The following UBE2E3 variants were observed in gnomAD, a reference collection of about 807,000 sequenced individuals.
UBE2E3 encodes the protein ubiquitin conjugating enzyme E2 E3.
In UBE2E3, 5 loss-of-function variants were observed where a neutral mutation model predicts 23.6. That is an observed-to-expected ratio of 0.21 (90% CI 0.11 to 0.44). The LOEUF (loss-of-function observed/expected upper bound fraction) is 0.44, where lower values mean the gene tolerates loss of function less well. UBE2E3 is among the 20% of genes least tolerant of loss of function. UBE2E3 has a pLI of 0.99. For missense variants in UBE2E3, 81 were observed against 249.8 expected (o/e 0.32, Z 4.55); for synonymous variants, 78 against 87.5 (o/e 0.89, Z 0.60).
intron 3 of UBE2E3, among the ~76,000 whole-genome samples, chr2:181,013,797 A>G (rs1432129904): frequency 6.6e-6 from 1 of 152,176 alleles, no homozygotes; most frequent in Non-Finnish European, 1.5e-5. Flanking sequence ...AGGTAATCAG[A>G]AAGTTCCACC....
intron 3 of UBE2E3, among the ~76,000 whole-genome samples, chr2:181,010,203 TATTA>T (rs2105606364): frequency 6.6e-6 from 1 of 152,238 alleles, no homozygotes; most frequent in Admixed American, 6.5e-5. Flanking sequence ...TATTTTATAT[TATTA>T]ATTGTGGTTC....
intron 3 of UBE2E3, among the ~76,000 whole-genome samples, chr2:181,045,202 C>T (rs1436330449): frequency 1.3e-5 from 2 of 152,118 alleles, no homozygotes; most frequent in African/African-American, 2.4e-5. Context: ...GTTGTAGAGA[C>T]GTTTTCTCAT....
chr2:180,993,637 C>T (rs761330179), intron 3 of UBE2E3, among the ~76,000 whole-genome samples: 5 of 152,016 alleles, frequency 3.3e-5, no homozygotes, highest in Non-Finnish European at 5.9e-5. Context: ...CTGTTTATTC[C>T]CTTTCTGAGG....
intron 3 of UBE2E3, among the ~76,000 whole-genome samples, chr2:180,993,399 C>A (rs1338968947): frequency 6.6e-6 from 1 of 152,132 alleles, no homozygotes; most frequent in Non-Finnish European, 1.5e-5. Flanking sequence ...CTTTAGTGTT[C>A]CAGAGCAAAT....
intron 3 of UBE2E3, among the ~76,000 whole-genome samples, chr2:181,008,491 T>A (rs1268475393): frequency 6.6e-6 from 1 of 152,210 alleles, no homozygotes; most frequent in Non-Finnish European, 1.5e-5. Context: ...TGGTCATAGA[T>A]GCTTCGTATG....
At chr2:181,010,314 T>G (rs1685281823) in intron 3 of UBE2E3, among the ~76,000 whole-genome samples, 1 of 152,178 alleles carries the variant, frequency 6.6e-6, no homozygotes. Context: ...CTATTTCTTG[T>G]CAGTCATATT....
chr2:180,999,731 CA>C (rs1313837933), intron 3 of UBE2E3, among the ~76,000 whole-genome samples: 1 of 151,896 alleles, frequency 6.6e-6, no homozygotes, highest in Non-Finnish European at 1.5e-5. Context: ...TGGACTTAGA[CA>C]AATGGAAGTT....
At chr2:181,062,402 T>C (rs1687185624) in intron 5 of UBE2E3, among the ~76,000 whole-genome samples, 1 of 151,680 alleles carries the variant, frequency 6.6e-6, no homozygotes, top group South Asian at 2.1e-4. Context: ...TAGCATGGTA[T>C]TGTAAGACTG....
chr2:181,060,948 C>A (rs1687135938), intron 5 of UBE2E3, 136 bp downstream of exon 5: 1 of 920,362 alleles, frequency 1.1e-6, no homozygotes, highest in African/African-American at 2.0e-5. Flanking sequence ...CCCCATAAAA[C>A]AGTTTGTGAG....
chr2:181,015,319 T>C (rs1042032518), intron 3 of UBE2E3, among the ~76,000 whole-genome samples: 1 of 152,206 alleles, frequency 6.6e-6, no homozygotes, highest in African/African-American at 2.4e-5. Context: ...ATCACATAGC[T>C]TATATGTGTT....
At chr2:181,024,009 A>T (rs1223558262) in intron 3 of UBE2E3, among the ~76,000 whole-genome samples, 1 of 152,042 alleles carries the variant, frequency 6.6e-6, no homozygotes, top group Non-Finnish European at 1.5e-5. Flanking sequence ...TTTCTTTTGC[A>T]TTTGTAACCT....
intron 3 of UBE2E3, among the ~76,000 whole-genome samples, chr2:181,014,116 C>T (rs1263855095): frequency 6.6e-6 from 1 of 152,110 alleles, no homozygotes; most frequent in South Asian, 2.1e-4. Context: ...GGATGATGCC[C>T]ATGTTTCTGA....
At position 181,060,682 on chromosome 2, in the gene UBE2E3, A is replaced by G. The variant is rs1280290151; in HGVS notation, c.396A>G (p.Arg132=). 1 of 1,606,066 alleles carries G rather than the reference A, an allele frequency of 6.2e-7. No homozygotes were observed. ...FKPPKVTFRT[R]IYHCNINSQG... ...GTGCTTAGGTTACTTTCCGCACCAGAATCTATCACTGCAACATCAACAGTC... is the reference window on the plus strand; with the variant it reads ...GTGCTTAGGTTACTTTCCGCACCAGGATCTATCACTGCAACATCAACAGTC... Residue 132 remains arginine, a synonymous_variant, in exon 5 of 6, where the codon AGA becomes AGG. Transcript: ENST00000410062.
At chr2:181,033,955 T>C (rs1254994601) in intron 3 of UBE2E3, among the ~76,000 whole-genome samples, 5 of 152,004 alleles carry the variant, frequency 3.3e-5, no homozygotes, top group Non-Finnish European at 7.4e-5. Context: ...ATCAGAGAAA[T>C]GCAAATCAAA....
At chr2:180,986,841 A>G (rs1222285530) in intron 3 of UBE2E3, among the ~76,000 whole-genome samples, 2 of 152,134 alleles carry the variant, frequency 1.3e-5, no homozygotes, top group African/African-American at 4.8e-5. Context: ...AATGAAACAC[A>G]AGAAAACTCA....
At chr2:181,011,944 A>G (rs1031259493) in intron 3 of UBE2E3, among the ~76,000 whole-genome samples, 3 of 152,226 alleles carry the variant, frequency 2.0e-5, no homozygotes, top group Non-Finnish European at 4.4e-5. Flanking sequence ...GTTAGGCAAA[A>G]TGGACTCCAT....
At chr2:181,014,388 A>G (rs191647616) in intron 3 of UBE2E3, among the ~76,000 whole-genome samples, 1 of 152,334 alleles carries the variant, frequency 6.6e-6, no homozygotes, top group African/African-American at 2.4e-5. Flanking sequence ...AGGTGTATAG[A>G]TGGCAGTATG....
chr2:180,994,763 G>A (rs1684775733), intron 3 of UBE2E3, among the ~76,000 whole-genome samples: 1 of 152,138 alleles, frequency 6.6e-6, no homozygotes, highest in Non-Finnish European at 1.5e-5. Context: ...CCTAGAAATA[G>A]TGAAAATATT....
At chr2:181,031,578 G>C (rs1686078500) in intron 3 of UBE2E3, among the ~76,000 whole-genome samples, 1 of 152,048 alleles carries the variant, frequency 6.6e-6, no homozygotes, top group South Asian at 2.1e-4. Flanking sequence ...ATAGGGGTTT[G>C]TTACTACCAT....
Sources: allele counts gnomAD v4.1 joint callset (sites outside exome capture counted in the v4.1 genomes callset), GRCh38; gene constraint gnomAD v4.1.1; transcripts MANE v1.5; gene names NCBI Gene and HGNC (gene_info 2026-07-23, HGNC 2026-07-21).